Variants in RPS6KC1 observed in about 807,000 individuals in gnomAD.
The protein encoded by RPS6KC1 is ribosomal protein S6 kinase C1.
RPS6KC1 carries 54 observed loss-of-function variants against 103.8 expected under a neutral mutation model. That is an observed-to-expected ratio of 0.52 (90% CI 0.42 to 0.65). The LOEUF is 0.65. RPS6KC1 is among the 30% of genes least tolerant of loss of function. The pLI is 0.00. For missense variants in RPS6KC1, 1,151 were observed against 1,253.8 expected, an observed-to-expected ratio of 0.92 and a Z score of 1.24; for synonymous variants, 439 against 438.7, an observed-to-expected ratio of 1.00 and a Z score of -0.01.
chr1:213,094,298 G>T (rs1450248350), intron 3 of RPS6KC1, among the ~76,000 whole-genome samples: 1 of 151,512 alleles, frequency 6.6e-6, no homozygotes, highest in Non-Finnish European at 1.5e-5. Context: ...ATACCATATT[G>T]CACCTATGAA....
At chr1:213,331,301 C>T in the RPS6KC1 span, among the ~76,000 whole-genome samples, 8 of 152,338 alleles carry the variant, frequency 5.3e-5, no homozygotes, top group East Asian at 1.4e-3. Context: ...GGTGCCCACT[C>T]TGTGCAGGAG....
chr1:213,238,492 G>GA (rs1461140490), intron 10 of RPS6KC1, among the ~76,000 whole-genome samples: 1 of 152,140 alleles, frequency 6.6e-6, no homozygotes, highest in African/African-American at 2.4e-5. Flanking sequence ...CTTGAATGCA[G>GA]AAATGGCATA....
At chr1:213,392,092 A>G in the RPS6KC1 span, among the ~76,000 whole-genome samples, 4 of 152,282 alleles carry the variant, frequency 2.6e-5, no homozygotes, top group African/African-American at 9.6e-5. Context: ...ATTGGTAGGC[A>G]GGGAAGTGGT....
the RPS6KC1 span, among the ~76,000 whole-genome samples, chr1:213,643,189 A>G: frequency 6.6e-6 from 1 of 151,064 alleles, no homozygotes; most frequent in Admixed American, 6.6e-5. Flanking sequence ...TTTAAAGTCA[A>G]TTTGTCAAGC....
chr1:213,767,581 C>T, the RPS6KC1 span, among the ~76,000 whole-genome samples: 22 of 152,328 alleles, frequency 1.4e-4, no homozygotes, highest in Non-Finnish European at 2.6e-4. Flanking sequence ...AGTCGCTGGC[C>T]TAGGCCCTGC....
chr1:213,616,642 C>T, the RPS6KC1 span, among the ~76,000 whole-genome samples: 98 of 152,272 alleles, frequency 6.4e-4, no homozygotes, highest in Admixed American at 5.0e-3. Context: ...GAGACCCTGT[C>T]TCTAAAAAAT....
the RPS6KC1 span, among the ~76,000 whole-genome samples, chr1:213,572,150 G>A: frequency 6.6e-6 from 1 of 152,204 alleles, no homozygotes; most frequent in Non-Finnish European, 1.5e-5. Flanking sequence ...GTTTCAAGGT[G>A]GAGGGATGGG....
At chr1:213,450,333 ATT>A in the RPS6KC1 span, among the ~76,000 whole-genome samples, 90 of 137,896 alleles carry the variant, frequency 6.5e-4, no homozygotes, top group African/African-American at 1.4e-3. Context: ...GAGTTTGTAG[ATT>A]TTTTTTTTTT....
At chr1:213,063,914 TA>T (rs2078061377) in intron 1 of RPS6KC1, among the ~76,000 whole-genome samples, 1 of 152,162 alleles carries the variant, frequency 6.6e-6, no homozygotes, top group African/African-American at 2.4e-5. Flanking sequence ...TTTGTATTTT[TA>T]GTAGAGTGTA....
the RPS6KC1 span, among the ~76,000 whole-genome samples, chr1:213,856,079 G>C: frequency 6.6e-6 from 1 of 152,190 alleles, no homozygotes; most frequent in Admixed American, 6.5e-5. Context: ...TAAGGGAACT[G>C]TCGGCTGAAG....
the RPS6KC1 span, among the ~76,000 whole-genome samples, chr1:213,765,438 T>C: frequency 0.079 from 11,974 of 152,228 alleles, 1,106 homozygotes; most frequent in East Asian, 0.5. Flanking sequence ...TGTTAGGGCA[T>C]TGCCAGCTCT....
the RPS6KC1 span, among the ~76,000 whole-genome samples, chr1:213,656,201 G>T: frequency 2.6e-5 from 4 of 152,288 alleles, no homozygotes; most frequent in Non-Finnish European, 4.4e-5. Flanking sequence ...CATATGTGCA[G>T]CCAGGCTGGA....
At chr1:213,673,617 G>T in the RPS6KC1 span, among the ~76,000 whole-genome samples, 1 of 152,078 alleles carries the variant, frequency 6.6e-6, no homozygotes. Context: ...CCCAAGACCA[G>T]ATATAGGGCC....
chr1:213,494,466 T>G, the RPS6KC1 span, among the ~76,000 whole-genome samples: 1 of 151,948 alleles, frequency 6.6e-6, no homozygotes, highest in Admixed American at 6.5e-5. Context: ...ACCCTAAAAT[T>G]TTAATAGCGG....
At chr1:213,764,734 C>T in the RPS6KC1 span, among the ~76,000 whole-genome samples, 1 of 152,130 alleles carries the variant, frequency 6.6e-6, no homozygotes, top group Non-Finnish European at 1.5e-5. Context: ...GTGTTGGTTC[C>T]TCTCAAGGTC....
the RPS6KC1 span, among the ~76,000 whole-genome samples, chr1:213,730,331 CTT>C: frequency 6.6e-6 from 1 of 152,126 alleles, no homozygotes; most frequent in Non-Finnish European, 1.5e-5. Context: ...TTGTTTAGGA[CTT>C]TGAGGAATCA....
the RPS6KC1 span, among the ~76,000 whole-genome samples, chr1:213,727,815 C>G: frequency 6.6e-6 from 1 of 151,910 alleles, no homozygotes; most frequent in Admixed American, 6.6e-5. Flanking sequence ...ATGGTGAAAA[C>G]AAACTATTGG....
intron 8 of RPS6KC1, among the ~76,000 whole-genome samples, chr1:213,216,546 AC>A (rs1265425137): frequency 2.0e-5 from 3 of 152,214 alleles, no homozygotes; most frequent in African/African-American, 7.2e-5. Context: ...AGAACTCTCC[AC>A]CCCAAATCAA....
chr1:213,825,362 C>A, the RPS6KC1 span, among the ~76,000 whole-genome samples: 7 of 152,146 alleles, frequency 4.6e-5, no homozygotes, highest in African/African-American at 1.4e-4. Context: ...GGCATACTTG[C>A]AGTGCAGTTT....
Sources: gnomAD v4.1 joint callset for allele counts (sites outside exome capture counted in the v4.1 genomes callset) on GRCh38, gnomAD v4.1.1 for gene constraint, MANE v1.5 for transcripts, NCBI Gene and HGNC (gene_info 2026-07-23, HGNC 2026-07-21) for gene names.